Variants in MEGF6 observed in about 807,000 individuals in gnomAD.
The protein encoded by MEGF6 is multiple epidermal growth factor-like domains protein 6.
In MEGF6, 184 loss-of-function variants were observed where a neutral mutation model predicts 207.1. That is an observed-to-expected ratio of 0.89 (90% CI 0.79 to 1.00). MEGF6 has a LOEUF of 1.00. Among genes scored for constraint, MEGF6 ranks in the 50% least tolerant of loss-of-function variants. MEGF6 has a pLI of 0.00. For synonymous variants in MEGF6, 1,038 were observed against 910.0 expected, an observed-to-expected ratio of 1.14 and a Z score of -2.53; for missense variants, 2,282 against 2,202.9, an observed-to-expected ratio of 1.04 and a Z score of -0.72.
At position 3,490,225 on chromosome 1, in the gene MEGF6, C is replaced by G. The variant is rs930582626; in HGVS notation, c.*303G>C. ...ACTGGCGCCCACACCTGTCCTCAGT[C>G]CAACTCAGAGCCGCGGGGAGAGCGG... On this transcript the variant is annotated 3_prime_UTR_variant, in exon 37 of 37. Coordinates refer to ENST00000356575, the MANE Select transcript of MEGF6 (RefSeq NM_001409.4). 4.2e-6 allele frequency: 2 copies of G among 472,226 alleles called. No individual in the cohort carries two copies. Among genetic ancestry groups the G allele is most frequent in the Non-Finnish European group, 7.5e-6 (2 of 266,958 alleles). 29.3% of individuals were successfully genotyped at this position (472,226 alleles called of 1,614,324 possible).
rs968298193 is a variant in MEGF6 at position 3,560,282 on chromosome 1, C to T, written c.481+19543G>A. Among the ~76,000 whole-genome samples the T allele has an allele frequency of 6.6e-6, 1 of 152,194 alleles. No individual in the cohort carries two copies. Among genetic ancestry groups the T allele is most frequent in the Non-Finnish European group, 1.5e-5 (1 of 68,032 alleles). ...CCTCCATTGGAATGACCGCTTGGTA[C>T]AGCGGACGAGCCCACGTTGACACAT... is the stretch of plus-strand genomic sequence containing the variant. On this transcript the variant is annotated intron_variant, in intron 4 of 36. Coordinates refer to ENST00000356575, the MANE Select transcript of MEGF6 (RefSeq NM_001409.4). The surrounding 1 kb of genome is among the most constrained non-coding windows in gnomAD (Gnocchi z 4.0).
intron 36 of MEGF6, 57 bp from the exon 37 acceptor site, chr1:3,490,646 GACTGGGTTCTGGGTTGGCACCTCTCC>G: frequency 6.4e-7 from 1 of 1,568,468 alleles, no homozygotes; most frequent in Non-Finnish European, 8.7e-7. Context: ...TCCCAGAACA[GACTGGGTTCTGGGTTGGCACCTCTCC>G]CTCCCACCCC....
Position 3,544,073 on chromosome 1 carries a change from C to T in MEGF6, c.482-19827G>A, listed in dbSNP as rs561457782. On this transcript the variant is annotated intron_variant, in intron 4 of 36. Coordinates refer to ENST00000356575, the MANE Select transcript of MEGF6 (RefSeq NM_001409.4). Reference sequence around the variant, plus strand: ...CCGCACCACTCGCTGACACAGGAGGCGGGAGTGTGGTCAGTCTGTCTTCCG... The same window carrying T: ...CCGCACCACTCGCTGACACAGGAGGTGGGAGTGTGGTCAGTCTGTCTTCCG... 1.2e-3 allele frequency among the ~76,000 whole-genome samples: 180 copies of T among 152,276 alleles called. 3 individuals carry two copies. The highest frequency in any genetic ancestry group is 6.8e-3 in the Middle Eastern group (2 of 294).
chr1:3,498,633 G>A lies in MEGF6; in HGVS notation c.3223+65C>T, dbSNP rs893514834. 2.7e-6 allele frequency: 4 copies of A among 1,501,524 alleles called. No individual in the cohort carries two copies. In the African/African-American group the frequency reaches 5.5e-5, roughly 21 times the overall value. The allele number at this position is 1,501,524 out of a possible 1,614,324, so 93.0% of individuals were successfully genotyped here. ...GCCCCCTGACCTGGGAGCCCTCCTA[G>A]GCCTGCAGGCGGGGCTGCACCAAGC... On this transcript the variant is annotated intron_variant, in intron 25 of 36. Transcript: ENST00000356575.
intron 4 of MEGF6, among the ~76,000 whole-genome samples, chr1:3,553,208 G>C (rs1314842480): frequency 2.2e-5 from 3 of 138,366 alleles, no homozygotes; most frequent in African/African-American, 5.6e-5. Flanking sequence ...CCTGGCTCCA[G>C]CCTGAGGATG....
chr1:3,532,087 C>G (rs1642195243), intron 4 of MEGF6, among the ~76,000 whole-genome samples: 1 of 152,238 alleles, frequency 6.6e-6, no homozygotes, highest in Non-Finnish European at 1.5e-5. Flanking sequence ...GGAGAACTTG[C>G]CTGCAGGGTG....
upstream of MEGF6, among the ~76,000 whole-genome samples, chr1:3,612,617 G>A (rs1252731042): frequency 6.6e-6 from 1 of 152,160 alleles, no homozygotes; most frequent in African/African-American, 2.4e-5. Flanking sequence ...CTAGAGAGGT[G>A]CGCTGACCAT....
chr1:3,502,196 G>A (rs1373103481), intron 17 of MEGF6, among the ~76,000 whole-genome samples: 5 of 147,002 alleles, frequency 3.4e-5, no homozygotes, highest in Non-Finnish European at 6.0e-5. Context: ...GGCAAGGGAG[G>A]AGTGAAAGGG....
rs369163322 is a variant in MEGF6 at position 3,495,938 on chromosome 1, C to T, written c.3823G>A (p.Gly1275Ser). The T allele has an allele frequency of 2.6e-5, 42 of 1,594,740 alleles. No individual in the cohort carries two copies. The highest frequency in any genetic ancestry group is 1.5e-4 in the African/African-American group (11 of 74,818). Residue 1275 changes from glycine to serine, a missense_variant, in exon 30 of 37, where the codon GGC becomes AGC. Gly to Ser is a moderately conservative substitution (Grantham distance 56). Transcript: ENST00000356575. The part of the protein sequence containing the change: ...GQGAACDPVT[G>S]TCLCPPGRAG... ...CTCCCCGGGGGGCAGAGGCAGGTGC[C>T]GGTCACAGGGTCGCAGGCCGCCCCC...
At chr1:3,608,760 T>G (rs980779241) in intron 1 of MEGF6, among the ~76,000 whole-genome samples, 1 of 152,114 alleles carries the variant, frequency 6.6e-6, no homozygotes, top group African/African-American at 2.4e-5. Context: ...GGCCCCCGTC[T>G]CCCAGACCCC....
chr1:3,580,879 T>A (rs1419342563), intron 3 of MEGF6, among the ~76,000 whole-genome samples: 2 of 151,982 alleles, frequency 1.3e-5, no homozygotes, highest in African/African-American at 4.8e-5. Flanking sequence ...GTGGGCTCAG[T>A]GAGTTTGTGT....
chr1:3,540,814 A>T (rs1293214769), intron 4 of MEGF6, among the ~76,000 whole-genome samples: 1 of 152,134 alleles, frequency 6.6e-6, no homozygotes, highest in Non-Finnish European at 1.5e-5. Context: ...ACTGCCTACG[A>T]GGCCCCACCT....
At chr1:3,534,511 C>G (rs983012549) in intron 4 of MEGF6, among the ~76,000 whole-genome samples, 1 of 152,196 alleles carries the variant, frequency 6.6e-6, no homozygotes, top group African/African-American at 2.4e-5. Context: ...GTTTCCCCAT[C>G]TGTAACACTA....
At chr1:3,512,172 G>C (rs1000696804) in intron 7 of MEGF6, 44 bp from the exon 8 acceptor site, 1 of 1,561,218 alleles carries the variant, frequency 6.4e-7, no homozygotes, top group Non-Finnish European at 8.7e-7. Flanking sequence ...GTGCCAGGAA[G>C]GGCCTTTGCA....
At chr1:3,589,094 C>A (rs1643937587) in intron 3 of MEGF6, among the ~76,000 whole-genome samples, 1 of 152,132 alleles carries the variant, frequency 6.6e-6, no homozygotes, top group Non-Finnish European at 1.5e-5. Context: ...GGCCCTAGGG[C>A]CTATAGAAAA....
intron 4 of MEGF6, among the ~76,000 whole-genome samples, chr1:3,559,111 ACTGGGAGCT>A (rs777945374): frequency 2.6e-5 from 4 of 152,344 alleles, no homozygotes; most frequent in African/African-American, 4.8e-5. Context: ...CTCCCTCTGC[ACTGGGAGCT>A]CTGGGAGCTC....
Position 3,553,160 on chromosome 1 carries a change from C to T in MEGF6, c.481+26665G>A, listed in dbSNP as rs553100179. On this transcript the variant is annotated intron_variant, in intron 4 of 36. Coordinates refer to ENST00000356575, the MANE Select transcript of MEGF6 (RefSeq NM_001409.4). ...AGCCAGGCTGCCCCATCACAAGCCC[C>T]GCCCCCCACTGACCCCCCAAATCCT... Among the ~76,000 whole-genome samples, 47 of 151,972 alleles carry T rather than the reference C, an allele frequency of 3.1e-4. 1 individual carries two copies. The highest frequency in any genetic ancestry group is 5.8e-4 in the East Asian group (3 of 5,176).
At chr1:3,569,954 G>A (rs951918688) in intron 4 of MEGF6, among the ~76,000 whole-genome samples, 1 of 152,244 alleles carries the variant, frequency 6.6e-6, no homozygotes, top group Admixed American at 6.5e-5. Flanking sequence ...CATTATCCCA[G>A]GAGAAAGACA....
intron 7 of MEGF6, among the ~76,000 whole-genome samples, chr1:3,512,607 A>C (rs1429743390): frequency 6.6e-6 from 1 of 151,970 alleles, no homozygotes; most frequent in Non-Finnish European, 1.5e-5. Context: ...GTCTCATGAG[A>C]TCTGATGGTT....
Sources: gnomAD v4.1 joint callset for allele counts (sites outside exome capture counted in the v4.1 genomes callset) on GRCh38, gnomAD v4.1.1 for gene constraint, Gnocchi (gnomAD v3.1) non-coding constraint, MANE v1.5 for transcripts, NCBI Gene and HGNC (gene_info 2026-07-23, HGNC 2026-07-21) for gene names.